Variants in ANKFN1 observed in about 807,000 individuals in gnomAD.
ANKFN1 encodes the protein ankyrin repeat and fibronectin type III domain containing 1, also known as ankyrin repeat and fibronectin type-III domain-containing protein 1.
Under a neutral mutation model 108.7 loss-of-function variants are expected in ANKFN1, and 74 were observed. The ratio of observed to expected loss-of-function variants is 0.68; its 90% confidence interval spans 0.56 to 0.83. The LOEUF is 0.83. Among genes scored for constraint, ANKFN1 ranks in the 40% least tolerant of loss-of-function variants. The pLI is 0.00. For missense variants in ANKFN1, 1,505 were observed against 1,382.3 expected (o/e 1.09, Z -1.41); for synonymous variants, 547 against 516.2 (o/e 1.06, Z -0.81).
chr17:56,444,420 C>T (rs6505059), intron 10 of ANKFN1, among the ~76,000 whole-genome samples: 121,011 of 151,530 alleles, frequency 0.8, 48,622 homozygotes, highest in East Asian at 0.97. Flanking sequence ...TTTAACTATG[C>T]CTGTGTATTT....
At chr17:56,215,626 G>T (rs2143833474) in intron 2 of ANKFN1, among the ~76,000 whole-genome samples, 1 of 152,330 alleles carries the variant, frequency 6.6e-6, no homozygotes, top group East Asian at 1.9e-4. Flanking sequence ...GTAGATGAAG[G>T]AATCAGAAAA....
At chr17:56,089,712 T>A (rs1905377572) in intron 4 of ANKFN1, among the ~76,000 whole-genome samples, 1 of 151,248 alleles carries the variant, frequency 6.6e-6, no homozygotes, top group African/African-American at 2.4e-5. Flanking sequence ...TCTGCCTATA[T>A]CCCCATAAAG....
chr17:56,226,262 G>T (rs1282471387), intron 2 of ANKFN1, among the ~76,000 whole-genome samples: 1 of 152,150 alleles, frequency 6.6e-6, no homozygotes, highest in Non-Finnish European at 1.5e-5. Flanking sequence ...TGACACATGT[G>T]AGATCTTGTC....
At chr17:56,073,894 G>A (rs996840259) in intron 4 of ANKFN1, among the ~76,000 whole-genome samples, 2 of 152,280 alleles carry the variant, frequency 1.3e-5, no homozygotes, top group South Asian at 4.1e-4. Context: ...CATGATTTGT[G>A]TATCTATCCA....
chr17:56,113,861 G>C lies in ANKFN1; in HGVS notation c.288+67536G>C, dbSNP rs1598101747. On this transcript the variant is annotated intron_variant, in intron 4 of 12. Coordinates refer to the ANKFN1 transcript ENST00000635860. ...GATGGATATATGATTAGGAGAGATA[G>C]ATGTTAGAGGGAAATTCATTGATCC... Among the ~76,000 whole-genome samples the C allele has an allele frequency of 3.7e-5, 5 of 134,358 alleles. 1 individual carries two copies. In the East Asian group the frequency reaches 1.2e-3, roughly 31 times the overall value. The allele number at this position is 134,358 out of a possible 152,430, so 88.1% of individuals were successfully genotyped here. A position where few individuals can be genotyped will look rare whatever the true frequency, so the allele number is the denominator to read the frequency against.
intron 18 of ANKFN1, chr17:56,482,772 A>G: frequency 2.7e-6 from 1 of 365,960 alleles, no homozygotes; most frequent in Non-Finnish European, 4.8e-6. Context: ...CAGAAAGTTC[A>G]GTTATCAGGC....
rs749236128 is a variant in ANKFN1 at position 56,350,802 on chromosome 17, T to C, written c.225T>C (p.Asn75=). 2.5e-6 allele frequency: 4 copies of C among 1,613,662 alleles called. No individual in the cohort carries two copies. Among genetic ancestry groups the C allele is most frequent in the Non-Finnish European group, 3.4e-6 (4 of 1,179,802 alleles). Residue 75 remains asparagine (N), a synonymous_variant, in exon 5 of 21, where the codon AAT becomes AAC. Coordinates refer to ENST00000682825, the MANE Select transcript of ANKFN1 (RefSeq NM_001370326.1). ...TGAAAATGACGCAACAAATGCAAAA[T>C]TTACATCTCTGTCAGTCAAAAAAAC... The part of the protein sequence containing the change: ...CRVKMTQQMQ[N]LHLCQSKKHS...
At chr17:56,399,624 C>A (rs1184878207) in intron 8 of ANKFN1, among the ~76,000 whole-genome samples, 1 of 151,754 alleles carries the variant, frequency 6.6e-6, no homozygotes, top group Non-Finnish European at 1.5e-5. Flanking sequence ...TTGTCCCTCG[C>A]CCCTCTCCCA....
At chr17:56,446,900 G>A (rs978258381) in intron 10 of ANKFN1, among the ~76,000 whole-genome samples, 15 of 151,424 alleles carry the variant, frequency 9.9e-5, no homozygotes, top group Admixed American at 5.3e-4. Context: ...ATGAGACTCC[G>A]TCTCAAAACA....
At chr17:56,114,038 G>C (rs112946480) in intron 4 of ANKFN1, among the ~76,000 whole-genome samples, 143 of 152,242 alleles carry the variant, frequency 9.4e-4, no homozygotes, top group Middle Eastern at 3.4e-3. Flanking sequence ...AGAGAGAAGT[G>C]ACTTTACCTA....
chr17:56,479,170 C>T (rs1415454702), intron 16 of ANKFN1, among the ~76,000 whole-genome samples: 1 of 152,152 alleles, frequency 6.6e-6, no homozygotes, highest in Non-Finnish European at 1.5e-5. Context: ...ACTAATTTTC[C>T]CTTGCCAAGG....
At chr17:56,274,919 C>T (rs770537762) in intron 3 of ANKFN1, among the ~76,000 whole-genome samples, 2 of 152,148 alleles carry the variant, frequency 1.3e-5, no homozygotes, top group Non-Finnish European at 2.9e-5. Flanking sequence ...ATGTACCTTG[C>T]GGTTATCACT....
In ANKFN1 at chr17:56,160,387, G is replaced by T. The variant is rs181526304; in HGVS notation, c.-71+6857G>T. 8.1e-4 allele frequency among the ~76,000 whole-genome samples: 124 copies of T among 152,212 alleles called. 1 individual carries two copies. Among genetic ancestry groups the T allele is most frequent in the African/African-American group, 2.6e-3 (108 of 41,544 alleles). ...CCTTGTTACACAGTTTTTCCTTATG[G>T]CTAACTTTCTTTTCTCTTTCTCTTC... On this transcript the variant is annotated intron_variant, in intron 1 of 20. Transcript: ENST00000682825.
chr17:56,379,822 A>G (rs2047045288), intron 8 of ANKFN1, among the ~76,000 whole-genome samples: 1 of 152,256 alleles, frequency 6.6e-6, no homozygotes, highest in African/African-American at 2.4e-5. Flanking sequence ...ATGGTTAACT[A>G]GAAGCAGAAG....
At chr17:56,321,526 G>A (rs1033435855) in intron 3 of ANKFN1, among the ~76,000 whole-genome samples, 15 of 150,750 alleles carry the variant, frequency 1.0e-4, no homozygotes, top group African/African-American at 3.7e-4. Context: ...CCATCAAAAA[G>A]TGATCAATTT....
chr17:56,405,247 C>G (rs2047887488), intron 8 of ANKFN1, among the ~76,000 whole-genome samples: 1 of 152,140 alleles, frequency 6.6e-6, no homozygotes, highest in African/African-American at 2.4e-5. Flanking sequence ...AAAGATTGTT[C>G]ACAGAGAAGC....
At chr17:56,421,688 G>T (rs757746890) in intron 8 of ANKFN1, among the ~76,000 whole-genome samples, 3 of 152,176 alleles carry the variant, frequency 2.0e-5, no homozygotes, top group Non-Finnish European at 2.9e-5. Flanking sequence ...AGATTAAGAA[G>T]TCTGTAATCG....
intron 1 of ANKFN1, among the ~76,000 whole-genome samples, chr17:56,183,317 C>A (rs1911869770): frequency 6.6e-6 from 1 of 152,134 alleles, no homozygotes; most frequent in Non-Finnish European, 1.5e-5. Context: ...CCATTAAGAA[C>A]ATCTATCATA....
rs1355823329 is a variant in ANKFN1 at position 56,395,003 on chromosome 17, G to A, written c.910+20289G>A. 1.3e-5 allele frequency among the ~76,000 whole-genome samples: 2 copies of A among 152,222 alleles called. 1 individual carries two copies. The highest frequency in any genetic ancestry group is 2.9e-5 in the Non-Finnish European group (2 of 68,048). ...ATAATCACCCTCAAGTCTGGAAGCT[G>A]AAGGGCCTCTCCAGTCCCTGAAGGG... On this transcript the variant is annotated intron_variant, in intron 8 of 20. Coordinates refer to ENST00000682825, the MANE Select transcript of ANKFN1 (RefSeq NM_001370326.1).
Sources: allele counts gnomAD v4.1 joint callset (sites outside exome capture counted in the v4.1 genomes callset), GRCh38; gene constraint gnomAD v4.1.1; transcripts MANE v1.5; gene names NCBI Gene and HGNC (gene_info 2026-07-23, HGNC 2026-07-21).